The following KIAA1549L variants were observed in gnomAD, a reference collection of about 807,000 sequenced individuals.
KIAA1549L encodes the protein KIAA1549 like.
KIAA1549L carries 88 observed loss-of-function variants against 160.7 expected under a neutral mutation model. The ratio of observed to expected loss-of-function variants is 0.55; its 90% CI spans 0.46 to 0.65. KIAA1549L has a LOEUF of 0.65. Among genes scored for constraint, KIAA1549L ranks in the 30% least tolerant of loss-of-function variants. KIAA1549L has a pLI of 0.00. For missense variants in KIAA1549L, 2,258 were observed against 2,437.5 expected, an observed-to-expected ratio of 0.93 and a Z score of 1.55; for synonymous variants, 950 against 976.7, an observed-to-expected ratio of 0.97 and a Z score of 0.51.
intron 16 of KIAA1549L, among the ~76,000 whole-genome samples, chr11:33,622,804 T>G (rs761518183): frequency 6.6e-6 from 1 of 152,166 alleles, no homozygotes; most frequent in Non-Finnish European, 1.5e-5. Context: ...GGGCAACTAG[T>G]GGATAAAAGT....
intron 1 of KIAA1549L, among the ~76,000 whole-genome samples, chr11:33,406,016 C>T (rs537225986): frequency 5.3e-5 from 8 of 152,118 alleles, no homozygotes; most frequent in Non-Finnish European, 1.0e-4. Flanking sequence ...TCATTATTAC[C>T]CATGTGTATG....
chr11:33,510,038 A>G (rs970276383), intron 1 of KIAA1549L, among the ~76,000 whole-genome samples: 15 of 152,148 alleles, frequency 9.9e-5, no homozygotes, highest in African/African-American at 3.4e-4. Context: ...CTTTTAGCAC[A>G]TTGGTGATCA....
rs955538184 is a variant in KIAA1549L at position 33,672,969 on chromosome 11, AACTT to A, written c.*4818_*4821del. 1.3e-5 allele frequency: 2 copies of A among 153,508 alleles called. No homozygotes were observed. The highest frequency in any genetic ancestry group is 4.8e-5 in the African/African-American group (2 of 41,468). The allele number at this position is 153,508 out of a possible 1,614,324, so 9.5% of individuals were successfully genotyped here. ...TTGAAACAAAATTGGTTTCAAGTGA[AACTT>A]ACATTATTTTTTGGCTGTGACCTTC... On this transcript the variant is annotated 3_prime_UTR_variant, in exon 21 of 21. Coordinates refer to ENST00000658780, the MANE Select transcript of KIAA1549L (RefSeq NM_012194.3).
chr11:33,641,124 C>T (rs548895812), intron 16 of KIAA1549L, among the ~76,000 whole-genome samples: 4 of 152,334 alleles, frequency 2.6e-5, no homozygotes, highest in South Asian at 4.1e-4. Context: ...AACTGCAGAG[C>T]TCCGAGAGAC....
At chr11:33,585,547 A>C (rs1010300933) in intron 11 of KIAA1549L, among the ~76,000 whole-genome samples, 8 of 152,102 alleles carry the variant, frequency 5.3e-5, no homozygotes, top group Non-Finnish European at 8.8e-5. Context: ...AAATAAAAAG[A>C]GTGTGTATTT....
At chr11:33,514,929 C>T (rs1853310293) in intron 1 of KIAA1549L, among the ~76,000 whole-genome samples, 1 of 152,144 alleles carries the variant, frequency 6.6e-6, no homozygotes, top group Non-Finnish European at 1.5e-5. Flanking sequence ...TGCCTTAATG[C>T]TTACTTGGTG....
intron 1 of KIAA1549L, among the ~76,000 whole-genome samples, chr11:33,489,651 C>G (rs748455710): frequency 2.0e-5 from 3 of 152,138 alleles, no homozygotes; most frequent in African/African-American, 7.2e-5. Context: ...CCCTGGACAT[C>G]GACATGTGGA....
chr11:33,598,190 TTGTGTGTGTGTGTGTGTG>T (rs57343190), intron 12 of KIAA1549L, among the ~76,000 whole-genome samples: 1 of 135,104 alleles, frequency 7.4e-6, no homozygotes, highest in Non-Finnish European at 1.6e-5. Flanking sequence ...GAGAGAATGT[TTGTGTGTGTGTGTGTGTG>T]TGTGTGTGTG....
At chr11:33,416,876 A>G (rs2134096166) in intron 1 of KIAA1549L, among the ~76,000 whole-genome samples, 1 of 152,300 alleles carries the variant, frequency 6.6e-6, no homozygotes, top group East Asian at 1.9e-4. Context: ...CTGGATTATG[A>G]GGCAATATAA....
At chr11:33,606,259 T>C (rs1372268488) in intron 13 of KIAA1549L, among the ~76,000 whole-genome samples, 1 of 152,224 alleles carries the variant, frequency 6.6e-6, no homozygotes, top group African/African-American at 2.4e-5. Flanking sequence ...CTGAGGATTG[T>C]CGGATTTTAA....
At chr11:33,527,543 C>T (rs940595599) in intron 1 of KIAA1549L, among the ~76,000 whole-genome samples, 4 of 152,064 alleles carry the variant, frequency 2.6e-5, no homozygotes, top group Non-Finnish European at 5.9e-5. Context: ...GAGTTTATGG[C>T]AAGAACCCCA....
rs1410121180 is a variant in KIAA1549L at position 33,376,810 on chromosome 11, TGCGCCCCC to T, written c.163_170del (p.Pro55AlafsTer73). The T allele has an allele frequency of 1.3e-5, 2 of 151,832 alleles. No homozygotes were observed. Among genetic ancestry groups the T allele is most frequent in the Non-Finnish European group, 2.9e-5 (2 of 68,066 alleles). 9.4% of individuals were successfully genotyped at this position (151,832 alleles called of 1,614,324 possible). ...GCCCCGGGGCCGGCGCGTCCCACGA[TGCGCCCCC>T]GCGGCCACCGACGCTGCTGCTGGGA... On this transcript the variant is annotated frameshift_variant, in exon 1 of 21. Transcript: ENST00000658780. LOFTEE classifies it high-confidence loss of function. The surrounding 1 kb of genome is among the most constrained non-coding windows in gnomAD (Gnocchi z 5.8).
chr11:33,383,093 C>T (rs1850104679), intron 1 of KIAA1549L, among the ~76,000 whole-genome samples: 1 of 151,974 alleles, frequency 6.6e-6, no homozygotes, highest in South Asian at 2.1e-4. Flanking sequence ...TCAAACTGAC[C>T]ACCACCATGG....
In KIAA1549L at chr11:33,391,789, T is replaced by A. The variant is rs182347442; in HGVS notation, c.238+14900T>A. Among the ~76,000 whole-genome samples the A allele has an allele frequency of 1.3e-3, 193 of 152,314 alleles. 2 individuals are homozygous for A. The highest frequency in any genetic ancestry group is 1.0e-3 in the Non-Finnish European group (68 of 68,018). ...CTCCTTAGACATGGAACTCCCAGTGTCCTACTGATGGAAGGTCAGTGTCTT... is the reference window on the plus strand; with the variant it reads ...CTCCTTAGACATGGAACTCCCAGTGACCTACTGATGGAAGGTCAGTGTCTT... On this transcript the variant is annotated intron_variant, in intron 1 of 20. Transcript: ENST00000658780.
In KIAA1549L at chr11:33,671,044, A is replaced by T. The variant is rs1564954268; in HGVS notation, c.*2890A>T. 6.6e-6 allele frequency: 1 copy of T among 152,248 alleles called. No individual in the cohort carries two copies. The highest frequency in any genetic ancestry group is 2.4e-5 in the African/African-American group (1 of 41,466). 9.4% of individuals were successfully genotyped at this position (152,248 alleles called of 1,614,324 possible). A position where few individuals can be genotyped will look rare whatever the true frequency, so the allele number is the denominator to read the frequency against. ...TCCATAATGTTCTTGCCAAGAAAAA[A>T]GATGATTGAGTATATAACGAACTTC... On this transcript the variant is annotated 3_prime_UTR_variant, in exon 21 of 21. Transcript: ENST00000658780.
At chr11:33,582,247 C>A (rs1469374358) in intron 10 of KIAA1549L, among the ~76,000 whole-genome samples, 1 of 152,190 alleles carries the variant, frequency 6.6e-6, no homozygotes, top group Non-Finnish European at 1.5e-5. Flanking sequence ...AGCCTAAGGG[C>A]AGCCAAATGA....
intron 16 of KIAA1549L, among the ~76,000 whole-genome samples, chr11:33,642,446 G>A (rs775048735): frequency 3.3e-5 from 5 of 152,192 alleles, no homozygotes; most frequent in Admixed American, 1.3e-4. Flanking sequence ...AATGGTGAGC[G>A]CACACTTGGA....
intron 16 of KIAA1549L, among the ~76,000 whole-genome samples, chr11:33,634,664 T>C (rs1374798473): frequency 6.6e-6 from 1 of 152,132 alleles, no homozygotes; most frequent in African/African-American, 2.4e-5. Context: ...TTAGGGGCAG[T>C]GAGTAATGCT....
chr11:33,384,939 TTTTTG>T lies in KIAA1549L; in HGVS notation c.238+8055_238+8059del, dbSNP rs1192678241. Among the ~76,000 whole-genome samples the T allele has an allele frequency of 2.7e-5, 4 of 150,218 alleles. No homozygotes were observed. In the South Asian group the frequency reaches 8.3e-4, roughly 31 times the overall value. ...ATTTTATTAACAGCGTTTTTTTTGTTTTTTGTTTTTTTTTTTTAAAAGGAGAGAAG... is the reference window on the plus strand; with the variant it reads ...ATTTTATTAACAGCGTTTTTTTTGTTTTTTTTTTTTTTAAAAGGAGAGAAG... On this transcript the variant is annotated intron_variant, in intron 1 of 20. Coordinates refer to ENST00000658780, the MANE Select transcript of KIAA1549L (RefSeq NM_012194.3).
Sources: allele counts gnomAD v4.1 joint callset (sites outside exome capture counted in the v4.1 genomes callset), GRCh38; gene constraint gnomAD v4.1.1; non-coding constraint Gnocchi (gnomAD v3.1); transcripts MANE v1.5; gene names NCBI Gene and HGNC (gene_info 2026-07-23, HGNC 2026-07-21).